Variants in ITPR2 observed in about 807,000 individuals in gnomAD.
The protein encoded by ITPR2 is inositol 1,4,5-trisphosphate-gated calcium channel ITPR2.
A neutral mutation model predicts 317.1 loss-of-function variants in ITPR2; 207 were observed. That is an observed-to-expected ratio of 0.65 (90% CI 0.58 to 0.73). The LOEUF is 0.73. ITPR2 is among the 30% of genes least tolerant of loss of function. ITPR2 has a pLI of 0.00. For synonymous variants in ITPR2, 1,156 were observed against 1,149.1 expected, an observed-to-expected ratio of 1.01 and a Z score of -0.12; for missense variants, 2,613 against 3,284.0, an observed-to-expected ratio of 0.80 and a Z score of 4.99.
At chr12:26,454,316 T>C (rs1941823439) in intron 45 of ITPR2, among the ~76,000 whole-genome samples, 1 of 152,116 alleles carries the variant, frequency 6.6e-6, no homozygotes, top group African/African-American at 2.4e-5. Context: ...GTGAGTCTCC[T>C]GCCTCAGCCT....
At chr12:26,832,666 GC>G in intron 1 of ITPR2, 23 bp downstream of exon 1, 1 of 1,561,410 alleles carries the variant, frequency 6.4e-7, no homozygotes, top group Non-Finnish European at 8.7e-7. Context: ...CGCGAGCGCT[GC>G]CCAGCCCTCG....
intron 43 of ITPR2, among the ~76,000 whole-genome samples, chr12:26,479,690 C>T (rs551972537): frequency 7.2e-5 from 11 of 152,246 alleles, no homozygotes; most frequent in South Asian, 2.1e-4. Context: ...ATGTAAGAAT[C>T]GTCTTTGCTA....
chr12:26,594,578 G>A (rs979714204), intron 32 of ITPR2, among the ~76,000 whole-genome samples: 5 of 152,072 alleles, frequency 3.3e-5, no homozygotes, highest in Non-Finnish European at 7.4e-5. Flanking sequence ...ATGTTGGAAG[G>A]CCAAAGGGGC....
At chr12:26,578,931 T>G in intron 33 of ITPR2, 98 bp from the exon 34 acceptor site, 1 of 1,206,388 alleles carries the variant, frequency 8.3e-7, no homozygotes, top group Non-Finnish European at 1.1e-6. Flanking sequence ...CAAAATAAAA[T>G]AAAATACAAT....
intron 49 of ITPR2, 71 bp from the exon 50 acceptor site, chr12:26,419,284 TC>T: frequency 7.3e-7 from 1 of 1,374,040 alleles, no homozygotes; most frequent in Non-Finnish European, 1.0e-6. Context: ...AAACTACTAT[TC>T]ATAGTCCATG....
At chr12:26,387,965 C>T (rs868355098) in intron 54 of ITPR2, among the ~76,000 whole-genome samples, 4 of 150,940 alleles carry the variant, frequency 2.7e-5, no homozygotes, top group Middle Eastern at 6.8e-3. Flanking sequence ...GCTTGCTAAT[C>T]AGGACAGAAA....
chr12:26,394,187 C>A (rs574900466), intron 54 of ITPR2, among the ~76,000 whole-genome samples: 1 of 152,138 alleles, frequency 6.6e-6, no homozygotes, highest in Admixed American at 6.5e-5. Context: ...GGAACAATAG[C>A]TCAGGATGAT....
intron 16 of ITPR2, among the ~76,000 whole-genome samples, chr12:26,658,401 T>C (rs1328097970): frequency 6.6e-6 from 1 of 152,224 alleles, no homozygotes; most frequent in East Asian, 1.9e-4. Flanking sequence ...CACCGTGACT[T>C]ATGTTTAGAA....
chr12:26,719,189 T>C (rs1483285728), intron 5 of ITPR2, among the ~76,000 whole-genome samples: 1 of 152,206 alleles, frequency 6.6e-6, no homozygotes, highest in Non-Finnish European at 1.5e-5. Context: ...ATAGTCCCTA[T>C]TCTCACAGAA....
intron 26 of ITPR2, among the ~76,000 whole-genome samples, chr12:26,603,597 T>C (rs560794342): frequency 6.6e-6 from 1 of 152,252 alleles, no homozygotes; most frequent in South Asian, 2.1e-4. Flanking sequence ...AATATATCAA[T>C]AAAGATTTGA....
intron 37 of ITPR2, among the ~76,000 whole-genome samples, chr12:26,499,781 G>T (rs1468021468): frequency 2.0e-5 from 3 of 152,078 alleles, no homozygotes; most frequent in Non-Finnish European, 2.9e-5. Context: ...ATGATAAACT[G>T]CCCCTAAATC....
chr12:26,716,269 G>C (rs1948738810), intron 5 of ITPR2, 27 bp from the exon 6 acceptor site: 1 of 1,406,812 alleles, frequency 7.1e-7, no homozygotes, highest in Non-Finnish European at 1.0e-6. Context: ...AATCACAATT[G>C]AGACACTGCA....
At chr12:26,387,653 T>C (rs1180127458) in intron 54 of ITPR2, 59 bp from the exon 55 acceptor site, 5 of 1,492,074 alleles carry the variant, frequency 3.4e-6, no homozygotes, top group Non-Finnish European at 4.6e-6. Context: ...ACTTGCTTCT[T>C]AGCATAAAAA....
At chr12:26,429,997 C>T (rs1265958304) in intron 48 of ITPR2, among the ~76,000 whole-genome samples, 2 of 152,170 alleles carry the variant, frequency 1.3e-5, no homozygotes, top group African/African-American at 4.8e-5. Context: ...ATCTGGTTTG[C>T]TGAGATATCC....
chr12:26,443,532 T>C lies in ITPR2; in HGVS notation c.6450+11A>G. 5.0e-6 allele frequency: 8 copies of C among 1,586,316 alleles called. No homozygotes were observed. Among genetic ancestry groups the C allele is most frequent in the South Asian group, 1.1e-5 (1 of 89,632 alleles). On this transcript the variant is annotated intron_variant, in intron 46 of 56. Coordinates refer to ENST00000381340, the MANE Select transcript of ITPR2 (RefSeq NM_002223.4). ...ACAGTTGGTCTCTTTCAATAAATAATAGATGGTTACCTCAATCTGTGCAGT... is the reference window on the plus strand; with the variant it reads ...ACAGTTGGTCTCTTTCAATAAATAACAGATGGTTACCTCAATCTGTGCAGT...
At chr12:26,456,775 C>A (rs1008951118) in intron 45 of ITPR2, among the ~76,000 whole-genome samples, 1 of 152,120 alleles carries the variant, frequency 6.6e-6, no homozygotes, top group Non-Finnish European at 1.5e-5. Flanking sequence ...CGGGTTCAAG[C>A]GATTCTCTTG....
intron 32 of ITPR2, among the ~76,000 whole-genome samples, chr12:26,586,206 A>G (rs567651899): frequency 1.3e-3 from 200 of 152,042 alleles, no homozygotes; most frequent in South Asian, 2.7e-3. Context: ...GTGCAGGGGC[A>G]TGATCTCGGC....
intron 26 of ITPR2, among the ~76,000 whole-genome samples, chr12:26,615,389 G>A (rs1169944219): frequency 6.6e-6 from 1 of 152,120 alleles, no homozygotes; most frequent in Non-Finnish European, 1.5e-5. Context: ...AAGTTTAAAA[G>A]TAAATTGGTA....
chr12:26,554,122 G>A (rs1036173802), intron 36 of ITPR2, among the ~76,000 whole-genome samples: 1 of 152,096 alleles, frequency 6.6e-6, no homozygotes, highest in Admixed American at 6.5e-5. Context: ...CTCAATATTT[G>A]CTTGATATCA....
Sources: gnomAD v4.1 joint callset for allele counts (sites outside exome capture counted in the v4.1 genomes callset) on GRCh38, gnomAD v4.1.1 for gene constraint, MANE v1.5 for transcripts, NCBI Gene and HGNC (gene_info 2026-07-23, HGNC 2026-07-21) for gene names.